Variants in JMJD1C observed in about 807,000 individuals in gnomAD.
JMJD1C encodes jumonji domain-containing protein 1C.
A neutral mutation model predicts 245.3 loss-of-function variants in JMJD1C; 31 were observed. That is an observed-to-expected ratio of 0.13 (90% CI 0.09 to 0.17). The LOEUF (loss-of-function observed/expected upper bound fraction) is 0.17, where lower values mean the gene tolerates loss of function less well. JMJD1C is among the 10% of genes least tolerant of loss of function. The probability of loss-of-function intolerance (pLI) is 1.00; values close to 1 mark genes in which losing one functional copy is unlikely to be tolerated. For missense variants in JMJD1C, 2,691 were observed against 3,000.2 expected, an observed-to-expected ratio of 0.90 and a Z score of 2.41; for synonymous variants, 1,057 against 1,017.4, an observed-to-expected ratio of 1.04 and a Z score of -0.74.
chr10:63,410,261 G>A (rs1401366793), intron 1 of JMJD1C, among the ~76,000 whole-genome samples: 1 of 152,050 alleles, frequency 6.6e-6, no homozygotes, highest in Non-Finnish European at 1.5e-5. Flanking sequence ...ATATTGCATG[G>A]CTTTTGTGTA....
chr10:63,194,282 T>C lies in JMJD1C; in HGVS notation c.5734+4A>G. 1 of 1,586,890 alleles carries C rather than the reference T, an allele frequency of 6.3e-7. No homozygotes were observed. Among genetic ancestry groups the C allele is most frequent in the Non-Finnish European group, 8.7e-7 (1 of 1,155,290 alleles). The stretch of plus-strand genomic sequence containing the variant: ...GTTATATTACATGAAGAAGATATAC[T>C]TACCAGAACCAGGTATAATTTGGGT... On this transcript the variant is annotated splice_donor_region_variant and intron_variant, in intron 14 of 25. Transcript: ENST00000399262.
intron 2 of JMJD1C, among the ~76,000 whole-genome samples, chr10:63,295,959 A>ATGTGTGTGTGTGTGTG (rs370590868): frequency 1.1e-5 from 1 of 89,860 alleles, no homozygotes; most frequent in Admixed American, 1.3e-4. Flanking sequence ...ATACACGTAT[A>ATGTGTGTGTGTGTGTG]TGTGTGTGTG....
At chr10:63,243,126 A>ATATATATATATATATATAT (rs1564669004) in intron 3 of JMJD1C, among the ~76,000 whole-genome samples, 10 of 42,968 alleles carry the variant, frequency 2.3e-4, no homozygotes, top group Admixed American at 3.5e-4. Context: ...TATATATATA[A>ATATATATATATATATATAT]ATATATATAT....
intron 1 of JMJD1C, among the ~76,000 whole-genome samples, chr10:63,486,883 C>T (rs922561616): frequency 3.3e-5 from 5 of 152,244 alleles, no homozygotes; most frequent in African/African-American, 7.2e-5. Context: ...ATGGCCAAGG[C>T]GCTACACTAA....
chr10:63,291,626 A>AC (rs1858733418), intron 2 of JMJD1C, among the ~76,000 whole-genome samples: 1 of 151,338 alleles, frequency 6.6e-6, no homozygotes, highest in South Asian at 2.1e-4. Flanking sequence ...AAAAAAAAAA[A>AC]AAACCGGAAA....
chr10:63,305,683 T>TG (rs71025152), intron 2 of JMJD1C, among the ~76,000 whole-genome samples: 4 of 146,518 alleles, frequency 2.7e-5, no homozygotes, highest in Admixed American at 1.4e-4. Flanking sequence ...TGTGTGTGTG[T>TG]TGAAAGATCT....
chr10:63,365,949 G>A (rs1477504919), intron 2 of JMJD1C, among the ~76,000 whole-genome samples: 1 of 152,172 alleles, frequency 6.6e-6, no homozygotes, highest in Non-Finnish European at 1.5e-5. Context: ...TTGGCCACTG[G>A]ACTATCTAAA....
At chr10:63,282,272 TA>T (rs1449602567) in intron 2 of JMJD1C, among the ~76,000 whole-genome samples, 1 of 152,206 alleles carries the variant, frequency 6.6e-6, no homozygotes, top group Non-Finnish European at 1.5e-5. Flanking sequence ...CAATTTCCAT[TA>T]AGTATATGAT....
chr10:63,235,127 G>C (rs1850574885), intron 3 of JMJD1C, among the ~76,000 whole-genome samples: 1 of 152,148 alleles, frequency 6.6e-6, no homozygotes, highest in Non-Finnish European at 1.5e-5. Flanking sequence ...TTAAAAACTT[G>C]ATGCAGCGTT....
chr10:63,300,985 G>C lies in JMJD1C; in HGVS notation c.334-36221C>G, dbSNP rs375503115. On this transcript the variant is annotated intron_variant, in intron 2 of 25. Coordinates refer to ENST00000399262, the MANE Select transcript of JMJD1C (RefSeq NM_032776.3). ...TGGCATATTTTCTCAGGCTACTGAAGCATATATCCCAGGAAGGGCAATAAA... is the reference window on the plus strand; with the variant it reads ...TGGCATATTTTCTCAGGCTACTGAACCATATATCCCAGGAAGGGCAATAAA... Among the ~76,000 whole-genome samples the C allele has an allele frequency of 4.6e-5, 7 of 152,166 alleles. No individual in the cohort carries two copies. The East Asian group carries it at 7.7e-4, about 17-fold the overall frequency.
intron 2 of JMJD1C, among the ~76,000 whole-genome samples, chr10:63,336,673 C>A: frequency 6.6e-6 from 1 of 152,102 alleles, no homozygotes; most frequent in Non-Finnish European, 1.5e-5. Context: ...GTCTCAATGA[C>A]ATCATCAAGG....
intron 2 of JMJD1C, among the ~76,000 whole-genome samples, chr10:63,378,578 T>A (rs1435201025): frequency 6.6e-6 from 1 of 152,068 alleles, no homozygotes; most frequent in East Asian, 1.9e-4. Context: ...GGCAACAGAG[T>A]GAGACTCCAT....
intron 1 of JMJD1C, among the ~76,000 whole-genome samples, chr10:63,494,601 A>G (rs1297421870): frequency 6.6e-6 from 1 of 152,242 alleles, no homozygotes; most frequent in Non-Finnish European, 1.5e-5. Context: ...GGCAGTATCC[A>G]TAAGAAAAAC....
At chr10:63,184,516 T>C (rs918737984) in intron 21 of JMJD1C, 92 bp downstream of exon 21, 12 of 1,099,198 alleles carry the variant, frequency 1.1e-5, no homozygotes, top group Non-Finnish European at 1.6e-5. Flanking sequence ...AGTGCTGGGA[T>C]TGCAGGCGTG....
chr10:63,495,492 C>G (rs1264393989), intron 1 of JMJD1C, among the ~76,000 whole-genome samples: 1 of 152,070 alleles, frequency 6.6e-6, no homozygotes, highest in East Asian at 1.9e-4. Context: ...AATTGATAGG[C>G]TGCGAGTGGT....
At chr10:63,488,212 T>C (rs909574478) in intron 1 of JMJD1C, among the ~76,000 whole-genome samples, 18 of 152,228 alleles carry the variant, frequency 1.2e-4, no homozygotes, top group African/African-American at 4.3e-4. Context: ...GATTTATGTA[T>C]GCAAATACCT....
intron 1 of JMJD1C, among the ~76,000 whole-genome samples, chr10:63,430,231 A>G (rs1950666652): frequency 6.6e-6 from 1 of 152,250 alleles, no homozygotes; most frequent in African/African-American, 2.4e-5. Context: ...ACCCATAACT[A>G]TCAAACTCTT....
At chr10:63,520,255 G>A (rs1272933949) in intron 1 of JMJD1C, among the ~76,000 whole-genome samples, 1 of 152,066 alleles carries the variant, frequency 6.6e-6, no homozygotes, top group Non-Finnish European at 1.5e-5. Context: ...CCCTTGAAAG[G>A]CAAGAGACAG....
intron 8 of JMJD1C, among the ~76,000 whole-genome samples, chr10:63,212,323 TG>T (rs1847465062): frequency 6.6e-6 from 1 of 152,210 alleles, no homozygotes; most frequent in Non-Finnish European, 1.5e-5. Context: ...TGTATGTATG[TG>T]TTTTTTAACC....
Sources: allele counts gnomAD v4.1 joint callset (sites outside exome capture counted in the v4.1 genomes callset), GRCh38; gene constraint gnomAD v4.1.1; transcripts MANE v1.5; gene names NCBI Gene and HGNC (gene_info 2026-07-23, HGNC 2026-07-21).